Variants in ENOX1 observed in about 807,000 individuals in gnomAD.
The protein encoded by ENOX1 is ecto-NOX disulfide-thiol exchanger 1, also known as candidate growth-related and time keeping constitutive hydroquinone (NADH) oxidase.
ENOX1 carries 42 observed loss-of-function variants against 82.5 expected under a neutral mutation model. That is an observed-to-expected ratio of 0.51 (90% CI 0.40 to 0.66). The LOEUF (loss-of-function observed/expected upper bound fraction) is 0.66, where lower values mean the gene tolerates loss of function less well. Ranked by LOEUF, ENOX1 falls within the 30% of genes least tolerant of loss-of-function variation. The pLI is 0.00. For missense variants in ENOX1, 608 were observed against 811.6 expected (o/e 0.75, Z 3.05); for synonymous variants, 271 against 282.2 (o/e 0.96, Z 0.40).
intron 2 of ENOX1, among the ~76,000 whole-genome samples, chr13:43,555,583 ATC>A (rs2079397577): frequency 6.6e-6 from 1 of 152,238 alleles, no homozygotes; most frequent in Non-Finnish European, 1.5e-5. Context: ...CAGGATCAAT[ATC>A]TCTCCTAGTA....
At chr13:43,396,174 C>G (rs989339393) in intron 5 of ENOX1, among the ~76,000 whole-genome samples, 1 of 152,170 alleles carries the variant, frequency 6.6e-6, no homozygotes, top group African/African-American at 2.4e-5. Context: ...GCCACTGCTA[C>G]GTCAAAAGCC....
chr13:43,295,472 T>G (rs4942199), intron 12 of ENOX1, among the ~76,000 whole-genome samples: 11 of 152,232 alleles, frequency 7.2e-5, no homozygotes, highest in African/African-American at 2.7e-4. Flanking sequence ...AACTGTGTGA[T>G]GTCAGTGAAC....
At chr13:43,454,116 T>A (rs553310494) in intron 3 of ENOX1, among the ~76,000 whole-genome samples, 14 of 152,322 alleles carry the variant, frequency 9.2e-5, no homozygotes, top group African/African-American at 2.9e-4. Context: ...CAGTAATTTT[T>A]AAAAATCAGC....
At chr13:43,221,367 TTGGGCTTGA>T (rs2041779741) in intron 16 of ENOX1, among the ~76,000 whole-genome samples, 1 of 152,192 alleles carries the variant, frequency 6.6e-6, no homozygotes, top group African/African-American at 2.4e-5. Flanking sequence ...AGACAAGAGG[TTGGGCTTGA>T]TGGGCCCTGG....
At chr13:43,481,995 A>G (rs1339554730) in intron 3 of ENOX1, among the ~76,000 whole-genome samples, 2 of 152,228 alleles carry the variant, frequency 1.3e-5, no homozygotes, top group East Asian at 3.8e-4. Flanking sequence ...AAAATAATAG[A>G]CAAGGGTTAG....
intron 12 of ENOX1, among the ~76,000 whole-genome samples, chr13:43,297,091 G>A (rs2046325017): frequency 6.6e-6 from 1 of 152,178 alleles, no homozygotes; most frequent in South Asian, 2.1e-4. Context: ...CACACACTGT[G>A]AACATCAACC....
intron 3 of ENOX1, among the ~76,000 whole-genome samples, chr13:43,434,936 G>GTTTTT (rs1259674451): frequency 1.5e-5 from 1 of 67,844 alleles, no homozygotes; most frequent in Non-Finnish European, 3.1e-5. Flanking sequence ...GTGTGTGTGT[G>GTTTTT]GTTTTTTTTT....
At chr13:43,480,849 A>T (rs2058478905) in intron 3 of ENOX1, among the ~76,000 whole-genome samples, 1 of 152,222 alleles carries the variant, frequency 6.6e-6, no homozygotes. Flanking sequence ...AGATTGAGTC[A>T]GTAGTTAGCA....
At chr13:43,299,617 G>A (rs79785723) in intron 11 of ENOX1, among the ~76,000 whole-genome samples, 112 of 152,118 alleles carry the variant, frequency 7.4e-4, no homozygotes, top group African/African-American at 2.7e-3. Flanking sequence ...GATTACCATC[G>A]GTCCATGTGT....
intron 1 of ENOX1, among the ~76,000 whole-genome samples, chr13:43,733,983 G>GA (rs1266153992): frequency 6.6e-6 from 1 of 152,056 alleles, no homozygotes. Context: ...AAAAAGAAAA[G>GA]AAAAGAAAGA....
At chr13:43,437,249 G>C (rs2056086445) in intron 3 of ENOX1, among the ~76,000 whole-genome samples, 1 of 152,118 alleles carries the variant, frequency 6.6e-6, no homozygotes, top group Admixed American at 6.5e-5. Flanking sequence ...CCGCACATTG[G>C]GAAGGGTAGA....
chr13:43,613,609 A>G (rs536018381), intron 2 of ENOX1, among the ~76,000 whole-genome samples: 3 of 152,368 alleles, frequency 2.0e-5, no homozygotes, highest in Admixed American at 2.0e-4. Context: ...GATGCCACAG[A>G]AATTAAAAGG....
At chr13:43,600,032 C>T (rs1338070015) in intron 2 of ENOX1, among the ~76,000 whole-genome samples, 1 of 152,066 alleles carries the variant, frequency 6.6e-6, no homozygotes, top group East Asian at 1.9e-4. Context: ...CCAGGCACTA[C>T]TCACTGTGAG....
chr13:43,604,125 T>C (rs2081871597), intron 2 of ENOX1, among the ~76,000 whole-genome samples: 1 of 151,510 alleles, frequency 6.6e-6, no homozygotes. Flanking sequence ...GATTTGCACT[T>C]CTCTGATGGC....
At chr13:43,484,690 A>G (rs1459904635) in intron 2 of ENOX1, among the ~76,000 whole-genome samples, 1 of 152,210 alleles carries the variant, frequency 6.6e-6, no homozygotes, top group Admixed American at 6.5e-5. Context: ...TATTTCCCAA[A>G]CAGAACTGAC....
In ENOX1 at chr13:43,224,065, C is replaced by T. The variant is rs781487672; in HGVS notation, c.1788G>A (p.Gln596=). The change falls in exon 16 of 17, where the codon CAG becomes CAA. Residue 596 remains glutamine, a synonymous_variant. Coordinates refer to ENST00000690772, the MANE Select transcript of ENOX1 (RefSeq NM_001347969.2). Reference sequence around the variant, plus strand: ...CAAAATAATTTACCTTGGAGTCCAGCTGCTGCATGTATGACCAAAGATATT... The same window carrying T: ...CAAAATAATTTACCTTGGAGTCCAGTTGCTGCATGTATGACCAAAGATATT... The part of the protein sequence containing the change: ...NIEYLWSYMQ[Q]LDSKISANEI... 10 of 1,613,636 alleles carry T rather than the reference C, an allele frequency of 6.2e-6. No individual in the cohort carries two copies. In the East Asian group the frequency reaches 2.0e-4, roughly 32 times the overall value.
chr13:43,400,491 C>T (rs1374864012), intron 5 of ENOX1, among the ~76,000 whole-genome samples: 3 of 152,178 alleles, frequency 2.0e-5, no homozygotes, highest in Non-Finnish European at 4.4e-5. Flanking sequence ...GAGAGTGTTA[C>T]TTGCTTTCAG....
chr13:43,387,081 CCAGGCATTGT>C (rs2052460048), intron 5 of ENOX1, among the ~76,000 whole-genome samples: 1 of 152,164 alleles, frequency 6.6e-6, no homozygotes, highest in Non-Finnish European at 1.5e-5. Context: ...CTTCCATATG[CCAGGCATTGT>C]TTTAGGAACT....
rs1370059916 is a variant in ENOX1 at position 43,640,869 on chromosome 13, TGCACACACACACGC to T, written c.-219+26596_-219+26609del. ...ACTTGTTTTAGAACACATACACACA[TGCACACACACACGC>T]GCACACACACACGTACACACACACG... On this transcript the variant is annotated intron_variant, in intron 2 of 16. Coordinates refer to ENST00000690772, the MANE Select transcript of ENOX1 (RefSeq NM_001347969.2). 3.2e-3 allele frequency among the ~76,000 whole-genome samples: 181 copies of T among 56,954 alleles called. 2 individuals are homozygous for T. The South Asian group carries it at 0.11, about 33-fold the overall frequency. 37.4% of individuals were successfully genotyped at this position (56,954 alleles called of 152,430 possible). A position where few individuals can be genotyped will look rare whatever the true frequency, so the allele number is the denominator to read the frequency against.
Sources: gnomAD v4.1 joint callset for allele counts (sites outside exome capture counted in the v4.1 genomes callset) on GRCh38, gnomAD v4.1.1 for gene constraint, MANE v1.5 for transcripts, NCBI Gene and HGNC (gene_info 2026-07-23, HGNC 2026-07-21) for gene names.